The following ADAP1 variants were observed in gnomAD, a reference collection of about 807,000 sequenced individuals.
The protein encoded by ADAP1 is arf-GAP with dual PH domain-containing protein 1.
A neutral mutation model predicts 54.9 loss-of-function variants in ADAP1; 31 were observed. The observed-to-expected ratio is 0.56, with a 90% CI of 0.42 to 0.76. The LOEUF (loss-of-function observed/expected upper bound fraction) is 0.76. Ranked by LOEUF, ADAP1 falls within the 30% of genes least tolerant of loss-of-function variation. ADAP1 has a pLI of 0.00. For missense variants in ADAP1, 535 were observed against 512.4 expected (o/e 1.04, Z -0.42); for synonymous variants, 313 against 202.6 (o/e 1.55, Z -4.63).
chr7:939,688 G>A (rs553053225), intron 1 of ADAP1, among the ~76,000 whole-genome samples: 187 of 152,038 alleles, frequency 1.2e-3, no homozygotes, highest in African/African-American at 4.0e-3. Context: ...AAAATTAGCC[G>A]GGCGTGGTGG....
Position 945,280 on chromosome 7 carries a change from C to T in ADAP1, c.82+9116G>A, listed in dbSNP as rs889362765. Among the ~76,000 whole-genome samples, 1 of 152,220 alleles carries T rather than the reference C, an allele frequency of 6.6e-6. No individual in the cohort carries two copies. The highest frequency in any genetic ancestry group is 1.5e-5 in the Non-Finnish European group (1 of 68,034). ...CATCGGAGCGAAAAGGGGCGGGGCACGCACTCTCAGAGACCCTCCAGGGTG... is the reference window on the plus strand; with the variant it reads ...CATCGGAGCGAAAAGGGGCGGGGCATGCACTCTCAGAGACCCTCCAGGGTG... On this transcript the variant is annotated intron_variant, in intron 1 of 10. Transcript: ENST00000265846. The surrounding 1 kb of genome is among the most constrained non-coding windows in gnomAD (Gnocchi z 4.2).
chr7:925,457 C>T (rs1179074695), intron 3 of ADAP1, among the ~76,000 whole-genome samples: 5 of 152,070 alleles, frequency 3.3e-5, no homozygotes, highest in Non-Finnish European at 7.4e-5. Flanking sequence ...CTCTTCCCTC[C>T]GGCCTCCCCT....
In ADAP1 at chr7:926,312, T is replaced by A. The variant is rs1053372432; in HGVS notation, c.305+241A>T. On this transcript the variant is annotated intron_variant, in intron 3 of 10. Coordinates refer to ENST00000265846, the MANE Select transcript of ADAP1 (RefSeq NM_006869.4). The surrounding 1 kb of genome is among the most constrained non-coding windows in gnomAD (Gnocchi z 4.6). Reference sequence around the variant, plus strand: ...GGCCTCAGCGAACCTGGGTGGGCTGTAGCTACTGATGCACAATGACCTTCC... The same window carrying A: ...GGCCTCAGCGAACCTGGGTGGGCTGAAGCTACTGATGCACAATGACCTTCC... 3.4e-5 allele frequency among the ~76,000 whole-genome samples: 5 copies of A among 146,664 alleles called. No homozygotes were observed. The highest frequency in any genetic ancestry group is 1.3e-4 in the African/African-American group (5 of 39,814).
At chr7:952,149 C>T (rs573119861) in intron 1 of ADAP1, among the ~76,000 whole-genome samples, 3 of 152,220 alleles carry the variant, frequency 2.0e-5, no homozygotes, top group East Asian at 1.9e-4. Flanking sequence ...GGCCGCCGGG[C>T]GAGGCCCCCT....
At chr7:932,828 C>T (rs1846626989) in intron 2 of ADAP1, among the ~76,000 whole-genome samples, 1 of 152,226 alleles carries the variant, frequency 6.6e-6, no homozygotes, top group Admixed American at 6.5e-5. Flanking sequence ...CAGGGACGCC[C>T]TCAACTCAGG....
At chr7:907,575 C>T (rs1348751667) in intron 4 of ADAP1, among the ~76,000 whole-genome samples, 1 of 152,206 alleles carries the variant, frequency 6.6e-6, no homozygotes, top group African/African-American at 2.4e-5. Flanking sequence ...CCCATCCCCC[C>T]CAGGCCCCGC....
intron 4 of ADAP1, among the ~76,000 whole-genome samples, chr7:915,356 A>C (rs1845891908): frequency 6.6e-6 from 1 of 152,132 alleles, no homozygotes; most frequent in African/African-American, 2.4e-5. Context: ...CAGGGGAGAG[A>C]ACAGAGGGCA....
intron 6 of ADAP1, 94 bp downstream of exon 6, chr7:904,032 C>A: frequency 6.5e-7 from 1 of 1,544,374 alleles, no homozygotes; most frequent in African/African-American, 1.4e-5. Flanking sequence ...TGCCTACCCT[C>A]CCGTACCGTC....
Position 898,905 on chromosome 7 carries a change from C to T in ADAP1, c.*16G>A, listed in dbSNP as rs1450048181. 1 of 1,593,720 alleles carries T rather than the reference C, an allele frequency of 6.3e-7. No homozygotes were observed. On this transcript the variant is annotated 3_prime_UTR_variant, in exon 11 of 11. Transcript: ENST00000265846. ...CCACAGTGAGTCCAATGTCCGTGGT[C>T]CTCCAGCCGCACTCGCTAAGGTTTA...
chr7:924,740 C>T (rs1846324764), intron 3 of ADAP1, among the ~76,000 whole-genome samples: 1 of 151,740 alleles, frequency 6.6e-6, no homozygotes, highest in Non-Finnish European at 1.5e-5. Context: ...CCCCCAGCCC[C>T]CCGCACCCAT....
At chr7:906,695 ATGGACATGGGGGACGGGACATCGGGGAC>A (rs1845421037) in intron 4 of ADAP1, among the ~76,000 whole-genome samples, 2 of 30,956 alleles carry the variant, frequency 6.5e-5, no homozygotes, top group Admixed American at 3.7e-4. Context: ...CACGGGGGAC[ATGGACATGGGGGACGGGACATCGGGGAC>A]GGGACATGGG....
chr7:920,828 G>A lies in ADAP1; in HGVS notation c.306-778C>T. The A allele has an allele frequency of 1.9e-6, 3 of 1,550,096 alleles. No individual in the cohort carries two copies. The highest frequency in any genetic ancestry group is 2.6e-6 in the Non-Finnish European group (3 of 1,146,874). On this transcript the variant is annotated intron_variant, in intron 3 of 10. Transcript: ENST00000265846. The surrounding 1 kb of genome is among the most constrained non-coding windows in gnomAD (Gnocchi z 4.5). ...TTGCAGAAACCACGACCCACACACA[G>A]GCCCGGCACGGCCCAGGTGCACAGG...
At chr7:944,126 A>T (rs1368196200) in intron 1 of ADAP1, among the ~76,000 whole-genome samples, 1 of 152,074 alleles carries the variant, frequency 6.6e-6, no homozygotes, top group Non-Finnish European at 1.5e-5. Context: ...TATATTGCCC[A>T]GGCTGGTCTC....
At chr7:940,906 G>A (rs1846923494) in intron 1 of ADAP1, among the ~76,000 whole-genome samples, 2 of 152,134 alleles carry the variant, frequency 1.3e-5, no homozygotes. Flanking sequence ...AAAAATGCTG[G>A]CAAAATGCAA....
chr7:944,023 C>T (rs1847077743), intron 1 of ADAP1, among the ~76,000 whole-genome samples: 1 of 151,944 alleles, frequency 6.6e-6, no homozygotes, highest in South Asian at 2.1e-4. Flanking sequence ...TCAAGTGATC[C>T]TCCCGCCTCA....
At chr7:923,454 C>T (rs367579903) in intron 3 of ADAP1, 4 of 151,870 alleles carry the variant, frequency 2.6e-5, no homozygotes, top group African/African-American at 9.7e-5. Context: ...AGCGGCCGCA[C>T]GACTTTCTTT....
intron 7 of ADAP1, 53 bp downstream of exon 7, chr7:900,480 C>G: frequency 1.4e-6 from 2 of 1,385,814 alleles, no homozygotes; most frequent in Non-Finnish European, 2.0e-6. Context: ...CCGTCCACCC[C>G]CCACCCCACC....
intron 5 of ADAP1, among the ~76,000 whole-genome samples, chr7:904,539 G>A (rs116576434): frequency 0.014 from 2,067 of 152,248 alleles, 39 homozygotes; most frequent in African/African-American, 0.046. Flanking sequence ...GGGCAGCCCC[G>A]GGCCCCACAC....
chr7:937,284 T>C lies in ADAP1; in HGVS notation c.83-1779A>G, dbSNP rs111380444. Among the ~76,000 whole-genome samples, 228 of 8,346 alleles carry C rather than the reference T, an allele frequency of 0.027. 45 individuals carry two copies. The African/African-American group carries it at 0.3, about 11-fold the overall frequency. 5.5% of individuals were successfully genotyped at this position (8,346 alleles called of 152,430 possible). A position where few individuals can be genotyped will look rare whatever the true frequency, so the allele number is the denominator to read the frequency against. On this transcript the variant is annotated intron_variant, in intron 1 of 10. Transcript: ENST00000265846. ...ACCTCTGGGATTTGGGGGTCATGCC[T>C]GGCCTCTGGGATTTGGGGGTCATGC...
Sources: gnomAD v4.1 joint callset for allele counts (sites outside exome capture counted in the v4.1 genomes callset) on GRCh38, gnomAD v4.1.1 for gene constraint, Gnocchi (gnomAD v3.1) non-coding constraint, MANE v1.5 for transcripts, NCBI Gene and HGNC (gene_info 2026-07-23, HGNC 2026-07-21) for gene names.